The following SLC24A3 variants were observed in gnomAD, a reference collection of about 807,000 sequenced individuals.
The protein encoded by SLC24A3 is sodium/potassium/calcium exchanger 3.
Under a neutral mutation model 75.8 loss-of-function variants are expected in SLC24A3, and 28 were observed. That is an observed-to-expected ratio of 0.37 (90% CI 0.27 to 0.51). The LOEUF is 0.51. SLC24A3 is among the 20% of genes least tolerant of loss of function. The pLI is 0.94. For missense variants in SLC24A3, 663 were observed against 847.8 expected (o/e 0.78, Z 2.71); for synonymous variants, 372 against 334.1 (o/e 1.11, Z -1.24).
In SLC24A3 at chr20:19,325,757, C is replaced by CATAT. The variant is rs1568589763; in HGVS notation, c.271+44673_271+44674insTATA. On this transcript the variant is annotated intron_variant, in intron 2 of 16. Coordinates refer to ENST00000328041, the MANE Select transcript of SLC24A3 (RefSeq NM_020689.4). Reference sequence around the variant, plus strand: ...ATGTGTGTGTGTGTGTGTGTGTATACATACATACATATATATATACATATA... The same window carrying CATAT: ...ATGTGTGTGTGTGTGTGTGTGTATACATATATACATACATATATATATACATATA... Among the ~76,000 whole-genome samples, 181 of 39,364 alleles carry CATAT rather than the reference C, an allele frequency of 4.6e-3. 14 individuals are homozygous for CATAT. Among genetic ancestry groups the CATAT allele is most frequent in the Middle Eastern group, 0.018 (1 of 56 alleles). The allele number at this position is 39,364 out of a possible 152,430, so 25.8% of individuals were successfully genotyped here.
chr20:19,698,522 C>A, intron 14 of SLC24A3, 46 bp from the exon 15 acceptor site: 1 of 1,468,950 alleles, frequency 6.8e-7, no homozygotes, highest in Non-Finnish European at 9.3e-7. Context: ...CTGTGTGGGG[C>A]CCCTGGGTTC....
chr20:19,460,210 A>G (rs879586628), intron 2 of SLC24A3, among the ~76,000 whole-genome samples: 47 of 152,246 alleles, frequency 3.1e-4, no homozygotes, highest in South Asian at 1.5e-3. Flanking sequence ...AATTTTGCGC[A>G]CCAGGTACTT....
intron 2 of SLC24A3, among the ~76,000 whole-genome samples, chr20:19,365,999 C>T (rs1454369372): frequency 6.6e-6 from 1 of 152,136 alleles, no homozygotes; most frequent in Non-Finnish European, 1.5e-5. Flanking sequence ...TCTCCCTTTG[C>T]TAACCCCTTC....
At chr20:19,232,153 T>TG (rs11481026) in intron 1 of SLC24A3, among the ~76,000 whole-genome samples, 78,752 of 152,118 alleles carry the variant, frequency 0.52, 22,048 homozygotes, top group East Asian at 0.93. Flanking sequence ...GTTAAAATTA[T>TG]CTACCCTTGA....
chr20:19,571,855 T>C (rs2031056978), intron 3 of SLC24A3, among the ~76,000 whole-genome samples: 1 of 152,206 alleles, frequency 6.6e-6, no homozygotes, highest in South Asian at 2.1e-4. Flanking sequence ...TGGCCCATTT[T>C]GATTTAAAAT....
chr20:19,626,956 C>A (rs547607873), intron 6 of SLC24A3, among the ~76,000 whole-genome samples: 4 of 152,304 alleles, frequency 2.6e-5, no homozygotes, highest in Non-Finnish European at 5.9e-5. Flanking sequence ...TGGACAAGAA[C>A]CTGGATTCCT....
At chr20:19,605,877 A>G (rs2031590200) in intron 6 of SLC24A3, among the ~76,000 whole-genome samples, 1 of 152,202 alleles carries the variant, frequency 6.6e-6, no homozygotes, top group Admixed American at 6.5e-5. Flanking sequence ...CTGGAAGGGA[A>G]GAGGCTACAC....
intron 2 of SLC24A3, among the ~76,000 whole-genome samples, chr20:19,407,029 A>ATGGATCTCTTTTCTGTTGATCT (rs377712407): frequency 0.019 from 2,872 of 152,226 alleles, 88 homozygotes; most frequent in African/African-American, 0.063. Context: ...GATCTCTGAC[A>ATGGATCTCTTTTCTGTTGATCT]ACACGGTGAA....
chr20:19,367,696 A>T (rs1306050431), intron 2 of SLC24A3, among the ~76,000 whole-genome samples: 1 of 152,184 alleles, frequency 6.6e-6, no homozygotes, highest in Non-Finnish European at 1.5e-5. Flanking sequence ...AATGAGCATT[A>T]GTTAATTTCT....
At chr20:19,272,739 G>C (rs927503628) in intron 1 of SLC24A3, among the ~76,000 whole-genome samples, 1 of 152,182 alleles carries the variant, frequency 6.6e-6, no homozygotes, top group Non-Finnish European at 1.5e-5. Flanking sequence ...CTCCTCCCTT[G>C]GTGGTTCAGT....
At chr20:19,434,609 A>T (rs1987163897) in intron 2 of SLC24A3, among the ~76,000 whole-genome samples, 1 of 152,244 alleles carries the variant, frequency 6.6e-6, no homozygotes, top group African/African-American at 2.4e-5. Context: ...ACAGTGAGGC[A>T]TGCTATCTAC....
chr20:19,473,409 A>G (rs938169884), intron 2 of SLC24A3, among the ~76,000 whole-genome samples: 1 of 152,244 alleles, frequency 6.6e-6, no homozygotes, highest in African/African-American at 2.4e-5. Context: ...CAGGAGAGAT[A>G]ATAACAATGA....
chr20:19,715,107 A>C (rs2033030843), intron 15 of SLC24A3, among the ~76,000 whole-genome samples: 1 of 152,244 alleles, frequency 6.6e-6, no homozygotes, highest in Non-Finnish European at 1.5e-5. Flanking sequence ...GATAGCTCCA[A>C]GAGCCTCTTC....
At chr20:19,631,392 TA>T (rs1485841297) in intron 6 of SLC24A3, among the ~76,000 whole-genome samples, 2 of 152,158 alleles carry the variant, frequency 1.3e-5, no homozygotes, top group Non-Finnish European at 2.9e-5. Flanking sequence ...CGAAGTGTTG[TA>T]AGGACATATC....
At chr20:19,625,943 G>T (rs1249140513) in intron 6 of SLC24A3, among the ~76,000 whole-genome samples, 1 of 151,974 alleles carries the variant, frequency 6.6e-6, no homozygotes, top group Non-Finnish European at 1.5e-5. Flanking sequence ...CTTTTGGATT[G>T]TTCCTTTCTC....
Position 19,685,254 on chromosome 20 carries a change from A to C in SLC24A3, c.1217A>C (p.Glu406Ala), listed in dbSNP as rs1399793419. Residue 406 changes from glutamate to alanine, a missense_variant, in exon 12 of 17, where the codon GAG (glutamate) becomes GCG (alanine). This residue lies in a region of SLC24A3 where 510 missense variants were observed against 703.6 expected (regional missense o/e 0.72). Coordinates refer to ENST00000328041, the MANE Select transcript of SLC24A3 (RefSeq NM_020689.4). ...ACACGGAGGGACGATGTTGTGGCTG[A>C]GGCTGGCAACGAAACAGAGAATGAA... ...NGTRRDDVVA[E>A]AGNETENENE... is the part of the protein sequence containing the mutation. The C allele has an allele frequency of 5.6e-6, 9 of 1,614,042 alleles. No homozygotes were observed. The highest frequency in any genetic ancestry group is 7.6e-6 in the Non-Finnish European group (9 of 1,180,040).
At chr20:19,477,696 A>G (rs1987984693) in intron 2 of SLC24A3, among the ~76,000 whole-genome samples, 1 of 152,102 alleles carries the variant, frequency 6.6e-6, no homozygotes, top group Non-Finnish European at 1.5e-5. Context: ...CCATGTACCT[A>G]AAGTGTCGAT....
At chr20:19,218,367 A>T (rs1325548056) in intron 1 of SLC24A3, among the ~76,000 whole-genome samples, 2 of 152,142 alleles carry the variant, frequency 1.3e-5, no homozygotes, top group African/African-American at 4.8e-5. Context: ...TGCAGTGCCT[A>T]GTGTCTGTTA....
intron 2 of SLC24A3, among the ~76,000 whole-genome samples, chr20:19,380,359 G>A (rs1339831898): frequency 2.6e-5 from 4 of 152,196 alleles, no homozygotes; most frequent in Admixed American, 6.5e-5. Context: ...CAGAGACCCG[G>A]CAATACTAGT....
Sources: allele counts gnomAD v4.1 joint callset (sites outside exome capture counted in the v4.1 genomes callset), GRCh38; gene constraint gnomAD v4.1.1; regional missense constraint gnomAD v4.1.1; transcripts MANE v1.5; gene names NCBI Gene and HGNC (gene_info 2026-07-23, HGNC 2026-07-21).